Variants in FHOD3 observed in about 807,000 individuals in gnomAD.
FHOD3 encodes FH1/FH2 domain-containing protein 3.
FHOD3 carries 90 observed loss-of-function variants against 173.0 expected under a neutral mutation model. That is an observed-to-expected ratio of 0.52 (90% CI 0.44 to 0.62). FHOD3 has a LOEUF of 0.62. Ranked by LOEUF, FHOD3 falls within the 20% of genes least tolerant of loss-of-function variation. FHOD3 has a pLI of 0.00. For synonymous variants in FHOD3, 828 were observed against 823.0 expected (o/e 1.01, Z -0.10); for missense variants, 1,945 against 2,034.7 (o/e 0.96, Z 0.85).
At chr18:36,554,469 C>T (rs1217903814) in intron 5 of FHOD3, among the ~76,000 whole-genome samples, 2 of 136,558 alleles carry the variant, frequency 1.5e-5, no homozygotes, top group Non-Finnish European at 3.1e-5. Flanking sequence ...GGGAACATCA[C>T]ACACTGGGGC....
intron 2 of FHOD3, among the ~76,000 whole-genome samples, chr18:36,364,717 A>G (rs1208361751): frequency 1.3e-5 from 2 of 152,208 alleles, no homozygotes; most frequent in African/African-American, 4.8e-5. Flanking sequence ...TTGGATTCCC[A>G]TTATAAGGCA....
chr18:36,406,076 G>GTTTTTTTT (rs1207240646), intron 3 of FHOD3, among the ~76,000 whole-genome samples: 2 of 135,730 alleles, frequency 1.5e-5, no homozygotes, highest in African/African-American at 5.4e-5. Context: ...GGCCTTGCCT[G>GTTTTTTTT]TTTTTTGTTT....
At chr18:36,667,936 A>G (rs1044010596) in intron 14 of FHOD3, among the ~76,000 whole-genome samples, 12 of 152,304 alleles carry the variant, frequency 7.9e-5, no homozygotes, top group Admixed American at 2.6e-4. Context: ...GTTGTTACTA[A>G]AAGTAGAATT....
intron 10 of FHOD3, among the ~76,000 whole-genome samples, chr18:36,645,902 A>G (rs1312579126): frequency 1.3e-5 from 2 of 152,182 alleles, no homozygotes; most frequent in Non-Finnish European, 2.9e-5. Flanking sequence ...ATACTTGTTT[A>G]TAATAAAGAT....
At chr18:36,596,321 ATTTTTTTTTTTTTTTT>A (rs539907617) in intron 7 of FHOD3, among the ~76,000 whole-genome samples, 53 of 57,502 alleles carry the variant, frequency 9.2e-4, no homozygotes, top group South Asian at 6.6e-3. Context: ...TGCCCAGCTA[ATTTTTTTTTTTTTTTT>A]TTTTTTTTTT....
intron 13 of FHOD3, among the ~76,000 whole-genome samples, chr18:36,655,921 C>T (rs938926642): frequency 1.3e-5 from 2 of 152,170 alleles, no homozygotes; most frequent in African/African-American, 2.4e-5. Context: ...ATTTCCATAG[C>T]GTCATTTAAA....
intron 2 of FHOD3, among the ~76,000 whole-genome samples, chr18:36,366,095 C>T (rs563998592): frequency 3.3e-5 from 5 of 152,278 alleles, no homozygotes; most frequent in African/African-American, 9.6e-5. Flanking sequence ...TAGAGTTGCA[C>T]ACACAGGAGG....
chr18:36,316,720 T>C (rs1230737132), intron 1 of FHOD3, among the ~76,000 whole-genome samples: 1 of 129,432 alleles, frequency 7.7e-6, no homozygotes, highest in Non-Finnish European at 1.5e-5. Flanking sequence ...GTGGGCTTCA[T>C]TTTTTTTTTC....
At chr18:36,357,228 C>T (rs978971711) in intron 2 of FHOD3, among the ~76,000 whole-genome samples, 1 of 152,242 alleles carries the variant, frequency 6.6e-6, no homozygotes, top group Admixed American at 6.5e-5. Context: ...TCCTGGGTTT[C>T]CCCTGTTTTA....
intron 5 of FHOD3, 36 bp from the exon 6 acceptor site, chr18:36,576,415 A>T: frequency 6.9e-7 from 1 of 1,458,092 alleles, no homozygotes; most frequent in Non-Finnish European, 9.6e-7. Flanking sequence ...TTCTATATAC[A>T]TCTATAATGT....
chr18:36,460,793 C>T (rs2052502739), intron 3 of FHOD3, among the ~76,000 whole-genome samples: 1 of 152,186 alleles, frequency 6.6e-6, no homozygotes, highest in Non-Finnish European at 1.5e-5. Context: ...AGACCTGTGT[C>T]AGAGGGTTGT....
At chr18:36,760,281 A>G (rs2042813962) in intron 26 of FHOD3, among the ~76,000 whole-genome samples, 2 of 152,222 alleles carry the variant, frequency 1.3e-5, no homozygotes, top group African/African-American at 4.8e-5. Flanking sequence ...TGTAAGAAAC[A>G]CATTTGGTTT....
At chr18:36,576,612 A>G in intron 6 of FHOD3, 67 bp downstream of exon 6, 1 of 1,315,084 alleles carries the variant, frequency 7.6e-7, no homozygotes, top group Non-Finnish European at 1.1e-6. Flanking sequence ...TTTTTCTCTG[A>G]GTCAGTTTTG....
At chr18:36,508,214 G>A (rs539944693) in intron 4 of FHOD3, among the ~76,000 whole-genome samples, 73 of 151,378 alleles carry the variant, frequency 4.8e-4, no homozygotes, top group Non-Finnish European at 8.8e-4. Flanking sequence ...CTGTGTTCCT[G>A]AATTTAATTG....
chr18:36,733,786 C>T lies in FHOD3; in HGVS notation c.3576+2982C>T, dbSNP rs115379395. Among the ~76,000 whole-genome samples, 1,358 of 152,266 alleles carry T rather than the reference C, an allele frequency of 8.9e-3. 14 individuals are homozygous for T. The highest frequency in any genetic ancestry group is 0.031 in the African/African-American group (1,291 of 41,548). The stretch of plus-strand genomic sequence containing the variant: ...TACTGTGGGCCAGACACCAGGTAGG[C>T]GCCTGCCACAGATTCTCCTCAAAGC... On this transcript the variant is annotated intron_variant, in intron 20 of 28. Transcript: ENST00000590592.
intron 10 of FHOD3, among the ~76,000 whole-genome samples, chr18:36,631,565 G>A (rs1414290396): frequency 1.3e-5 from 2 of 152,182 alleles, no homozygotes; most frequent in African/African-American, 4.8e-5. Flanking sequence ...CTGCCAGGCA[G>A]TATGCTAAGC....
chr18:36,452,874 A>G (rs1362774281), intron 3 of FHOD3, among the ~76,000 whole-genome samples: 1 of 152,084 alleles, frequency 6.6e-6, no homozygotes, highest in Non-Finnish European at 1.5e-5. Flanking sequence ...ATGTGTATAT[A>G]TATGTGTGTA....
At chr18:36,564,745 T>G (rs1454289536) in intron 5 of FHOD3, among the ~76,000 whole-genome samples, 1 of 152,080 alleles carries the variant, frequency 6.6e-6, no homozygotes, top group Admixed American at 6.6e-5. Context: ...GGGCCCTCCC[T>G]CCTTTGAGAG....
intron 19 of FHOD3, among the ~76,000 whole-genome samples, chr18:36,726,147 T>C (rs2041054657): frequency 6.6e-6 from 1 of 150,406 alleles, no homozygotes; most frequent in Admixed American, 6.6e-5. Context: ...ATATATTTTA[T>C]ATATGTAAAT....
Sources: allele counts gnomAD v4.1 joint callset (sites outside exome capture counted in the v4.1 genomes callset), GRCh38; gene constraint gnomAD v4.1.1; transcripts MANE v1.5; gene names NCBI Gene and HGNC (gene_info 2026-07-23, HGNC 2026-07-21).